Variants in RGS10 observed in about 807,000 individuals in gnomAD.
The protein encoded by RGS10 is regulator of G-protein signalling 10.
RGS10 carries 11 observed loss-of-function variants against 23.5 expected under a neutral mutation model. The observed-to-expected ratio is 0.47, with a 90% confidence interval of 0.29 to 0.77. The LOEUF (loss-of-function observed/expected upper bound fraction) is 0.77, where lower values mean the gene tolerates loss of function less well. Among genes scored for constraint, RGS10 ranks in the 30% least tolerant of loss-of-function variants. The probability of loss-of-function intolerance (pLI) is 0.08; values close to 1 mark genes in which losing one functional copy is unlikely to be tolerated. For synonymous variants in RGS10, 77 were observed against 83.2 expected (o/e 0.92, Z 0.41); for missense variants, 180 against 226.3 (o/e 0.80, Z 1.31).
intron 4 of RGS10, among the ~76,000 whole-genome samples, chr10:119,501,820 G>A (rs960287417): frequency 6.6e-6 from 1 of 152,226 alleles, no homozygotes; most frequent in African/African-American, 2.4e-5. Flanking sequence ...GGTGCTTCAG[G>A]AGGGAACTGG....
intron 1 of RGS10, among the ~76,000 whole-genome samples, chr10:119,540,543 A>C (rs1399916979): frequency 1.3e-5 from 2 of 152,168 alleles, no homozygotes; most frequent in Admixed American, 6.5e-5. Context: ...TGAGCCACTG[A>C]GCCCGGCCTG....
chr10:119,525,255 G>A (rs184256673), intron 3 of RGS10, among the ~76,000 whole-genome samples: 7 of 152,224 alleles, frequency 4.6e-5, no homozygotes, highest in South Asian at 2.1e-4. Flanking sequence ...TGGCGGAGAC[G>A]GAACCTGAAG....
chr10:119,512,262 A>T (rs1220769825), intron 4 of RGS10, among the ~76,000 whole-genome samples: 1 of 152,180 alleles, frequency 6.6e-6, no homozygotes, highest in Non-Finnish European at 1.5e-5. Context: ...AAGTTCCGTG[A>T]AATCTTGTGG....
chr10:119,523,699 G>C (rs1335882035), intron 3 of RGS10, among the ~76,000 whole-genome samples: 1 of 152,174 alleles, frequency 6.6e-6, no homozygotes, highest in African/African-American at 2.4e-5. Context: ...TGGATGTCAG[G>C]GGTACAGGCA....
At chr10:119,506,375 G>C (rs754307473) in intron 4 of RGS10, among the ~76,000 whole-genome samples, 8 of 152,258 alleles carry the variant, frequency 5.3e-5, no homozygotes, top group Non-Finnish European at 1.0e-4. Flanking sequence ...CGGCTCTCCA[G>C]CTTCACGACA....
intron 4 of RGS10, among the ~76,000 whole-genome samples, chr10:119,502,723 G>A (rs559381695): frequency 3.9e-5 from 6 of 152,156 alleles, no homozygotes; most frequent in East Asian, 1.9e-4. Context: ...AGGGGGCTGC[G>A]AACTATTTAT....
At chr10:119,542,458 T>G (rs1460376335) in intron 1 of RGS10, 132 bp downstream of exon 1, 1 of 688,270 alleles carries the variant, frequency 1.5e-6, no homozygotes, top group South Asian at 4.0e-5. Flanking sequence ...CGGGGAGAGG[T>G]GGTGCGGTCG....
At chr10:119,533,700 C>T (rs186515228) in intron 1 of RGS10, among the ~76,000 whole-genome samples, 5 of 152,310 alleles carry the variant, frequency 3.3e-5, no homozygotes, top group South Asian at 2.1e-4. Context: ...AGCAGCTTTA[C>T]GATCTCTCCA....
intron 3 of RGS10, among the ~76,000 whole-genome samples, chr10:119,519,045 A>G (rs1333301606): frequency 6.6e-6 from 1 of 151,838 alleles, no homozygotes; most frequent in African/African-American, 2.4e-5. Context: ...AAAAGCATGC[A>G]CCCCTGCCTC....
At chr10:119,521,325 C>T (rs1384520386) in intron 3 of RGS10, among the ~76,000 whole-genome samples, 1 of 152,002 alleles carries the variant, frequency 6.6e-6, no homozygotes, top group African/African-American at 2.4e-5. Flanking sequence ...AATCCCAACA[C>T]TTAGGGAGGC....
In RGS10 at chr10:119,523,596, C is replaced by T. The variant is rs183954332; in HGVS notation, c.255+2436G>A. On this transcript the variant is annotated intron_variant, in intron 3 of 4. Transcript: ENST00000369103. ...AGGAGGATCACCTGAACCCAGGAGG[C>T]GGAGGCTGCAGTGAGCCAAGACCTC... is the stretch of plus-strand genomic sequence containing the variant. Among the ~76,000 whole-genome samples the T allele has an allele frequency of 2.1e-3, 325 of 152,240 alleles. 2 individuals are homozygous for T. The highest frequency in any genetic ancestry group is 0.017 in the Middle Eastern group (5 of 294).
intron 1 of RGS10, among the ~76,000 whole-genome samples, chr10:119,535,430 T>A (rs1043699962): frequency 1.3e-5 from 2 of 152,226 alleles, no homozygotes; most frequent in Non-Finnish European, 2.9e-5. Context: ...ACAGTGCAGA[T>A]GGCTGGGGCT....
In RGS10 at chr10:119,515,311, G is replaced by A. The variant is rs983064901; in HGVS notation, c.399+198C>T. The A allele has an allele frequency of 4.9e-6, 3 of 614,948 alleles. No individual in the cohort carries two copies. In the East Asian group the frequency reaches 8.6e-5, roughly 18 times the overall value. 38.1% of individuals were successfully genotyped at this position (614,948 alleles called of 1,614,324 possible). On this transcript the variant is annotated intron_variant, in intron 4 of 4. Coordinates refer to ENST00000369103, the MANE Select transcript of RGS10 (RefSeq NM_001005339.2). ...GACCAAGATTAAACAGGCCTGGGGG[G>A]ACTCCTGTGGGGCAAATCTCAAGCT...
At chr10:119,518,053 C>T (rs1352011801) in intron 3 of RGS10, among the ~76,000 whole-genome samples, 1 of 152,182 alleles carries the variant, frequency 6.6e-6, no homozygotes, top group South Asian at 2.1e-4. Context: ...GGTGTCTAGG[C>T]CGAGAACATG....
rs369822167 is a variant in RGS10, at chr10:119,536,460, T to C, written c.49+6130A>G. On this transcript the variant is annotated intron_variant, in intron 1 of 4. Coordinates refer to ENST00000369103, the MANE Select transcript of RGS10 (RefSeq NM_001005339.2). ...CATGGAAAGGGGTGGGGGCGATTCC[T>C]TACGTTCCATGCTCTGGTGTCCACC... The C allele has an allele frequency of 3.9e-4, 632 of 1,613,106 alleles. 8 individuals carry two copies. The South Asian group carries it at 5.0e-3, about 13-fold the overall frequency.
chr10:119,534,126 A>G (rs1237582492), intron 1 of RGS10, among the ~76,000 whole-genome samples: 1 of 151,614 alleles, frequency 6.6e-6, no homozygotes, highest in Non-Finnish European at 1.5e-5. Flanking sequence ...ATGGTGGTGC[A>G]CTCCTGTAAT....
chr10:119,540,074 G>A (rs545940281), intron 1 of RGS10, among the ~76,000 whole-genome samples: 35 of 152,088 alleles, frequency 2.3e-4, no homozygotes, highest in Non-Finnish European at 4.4e-4. Flanking sequence ...CTTTTCACAC[G>A]GCTGGGTGGT....
At chr10:119,522,025 G>A (rs34018472) in intron 3 of RGS10, among the ~76,000 whole-genome samples, 3,344 of 152,260 alleles carry the variant, frequency 0.022, 52 homozygotes, top group Non-Finnish European at 0.034. Flanking sequence ...CCAAAATGAG[G>A]GAATGACTCA....
At position 119,520,961 on chromosome 10, in the gene RGS10, C is replaced by T. The variant is rs77436274; in HGVS notation, c.255+5071G>A. Among the ~76,000 whole-genome samples, 365 of 152,156 alleles carry T rather than the reference C, an allele frequency of 2.4e-3. 1 individual carries two copies. Among genetic ancestry groups the T allele is most frequent in the South Asian group, 3.7e-3 (18 of 4,824 alleles). On this transcript the variant is annotated intron_variant, in intron 3 of 4. Transcript: ENST00000369103. ...GATGATAACAATAACAACATAAGAC[C>T]ATTTCCCAGAACTACAAATTTCCAG...
Sources: allele counts gnomAD v4.1 joint callset (sites outside exome capture counted in the v4.1 genomes callset), GRCh38; gene constraint gnomAD v4.1.1; transcripts MANE v1.5; gene names NCBI Gene and HGNC (gene_info 2026-07-23, HGNC 2026-07-21).